MCF2: variants seen among roughly 807,000 people sequenced by gnomAD.
MCF2 encodes the protein proto-oncogene DBL.
In MCF2, 44 loss-of-function variants were observed where a neutral mutation model predicts 82.5. The ratio of observed to expected loss-of-function variants is 0.53; its 90% CI spans 0.42 to 0.69. The LOEUF (loss-of-function observed/expected upper bound fraction) is 0.69, where lower values mean the gene tolerates loss of function less well. MCF2 is among the 30% of genes least tolerant of loss of function. The pLI is 0.00. For missense variants in MCF2, 623 were observed against 663.1 expected (o/e 0.94, Z 0.66); for synonymous variants, 217 against 224.9 (o/e 0.96, Z 0.32).
At chrX:139,603,332 T>C (rs1391803295) in intron 15 of MCF2, among the ~76,000 whole-genome samples, 2 of 112,195 alleles carry the variant, frequency 1.8e-5, no homozygotes, top group Non-Finnish European at 3.8e-5. Flanking sequence ...GATACAACAA[T>C]ATATAGGATA....
At chrX:139,591,908 G>T (rs746185193) in intron 19 of MCF2, among the ~76,000 whole-genome samples, 2 of 109,849 alleles carry the variant, frequency 1.8e-5, no homozygotes, top group East Asian at 5.7e-4. Flanking sequence ...AAAAAAAAAA[G>T]TGAGAGAGAA....
chrX:139,674,780 T>C (rs1376144344), intron 1 of MCF2, among the ~76,000 whole-genome samples: 2 of 111,835 alleles, frequency 1.8e-5, no homozygotes, highest in Non-Finnish European at 3.8e-5. Context: ...TCAACCTTGG[T>C]GAATCTGACA....
chrX:139,624,499 A>T (rs2148478585), intron 6 of MCF2, among the ~76,000 whole-genome samples: 1 of 106,467 alleles, frequency 9.4e-6, no homozygotes, highest in South Asian at 4.3e-4. Flanking sequence ...TGATTGTGTC[A>T]CTGTACTCCA....
At chrX:139,639,649 C>T (rs1030164662) in intron 1 of MCF2, among the ~76,000 whole-genome samples, 1 of 111,504 alleles carries the variant, frequency 9.0e-6, no homozygotes, top group African/African-American at 3.3e-5. Context: ...CAAGAGCAGG[C>T]GTAAACCAAA....
intron 1 of MCF2, among the ~76,000 whole-genome samples, chrX:139,634,032 G>C (rs1933060240): frequency 9.0e-6 from 1 of 111,116 alleles, no homozygotes; most frequent in South Asian, 3.8e-4. Context: ...TTTAAGAAGG[G>C]AAACAAGATT....
At position 139,616,281 on chromosome X, in the gene MCF2, C is replaced by T. The variant is rs1931882735; in HGVS notation, c.1191+1G>A. 2 of 1,064,080 alleles carry T rather than the reference C, an allele frequency of 1.9e-6. No homozygotes were observed. Among genetic ancestry groups the T allele is most frequent in the Non-Finnish European group, 2.5e-6 (2 of 803,638 alleles). The allele number at this position is 1,064,080 out of a possible 1,213,427, so 87.7% of individuals were successfully genotyped here. On this transcript the variant is annotated splice_donor_variant, in intron 9 of 24. Coordinates refer to ENST00000370576, the Ensembl canonical transcript of MCF2. LOFTEE classifies it high-confidence loss of function. ...TTATTTGAAAATAAAAAAGCCTCTA[C>T]CTTAAGCTCAGGAGATAATATTACA...
intron 1 of MCF2, chrX:139,692,274 C>T: frequency 2.6e-6 from 1 of 379,380 alleles, no homozygotes; most frequent in South Asian, 3.5e-5. Context: ...CAGGCACTGC[C>T]GGAGGGGTAC....
rs780385692 is a variant in MCF2 at position 139,623,273 on chromosome X, C to A, written c.687+2920G>T. On this transcript the variant is annotated intron_variant, in intron 6 of 24. Transcript: ENST00000370576. ...AAATCATTCTATCAAAAAGGCAATG[C>A]AATTGTATGTTCACTGCAGCACTAT... Among the ~76,000 whole-genome samples, 4 of 111,803 alleles carry A rather than the reference C, an allele frequency of 3.6e-5. No homozygotes were observed. The South Asian group carries it at 1.5e-3, about 42-fold the overall frequency.
At chrX:139,664,115 C>T (rs949612593) in intron 1 of MCF2, among the ~76,000 whole-genome samples, 5 of 110,363 alleles carry the variant, frequency 4.5e-5, no homozygotes, top group Admixed American at 3.9e-4. Context: ...AGCAATTCTC[C>T]GGCCTTAGCC....
At chrX:139,634,994 G>A (rs1021662071) in intron 1 of MCF2, among the ~76,000 whole-genome samples, 6 of 111,603 alleles carry the variant, frequency 5.4e-5, no homozygotes, top group Non-Finnish European at 1.1e-4. Flanking sequence ...TACTCAGGAG[G>A]CTGAGGCGGG....
rs1932264304 is a variant in MCF2 at position 139,620,418 on chromosome X, T to C, written c.688-712A>G. 2.7e-5 allele frequency among the ~76,000 whole-genome samples: 3 copies of C among 111,189 alleles called. No homozygotes were observed. In the South Asian group the frequency reaches 1.1e-3, roughly 42 times the overall value. On this transcript the variant is annotated intron_variant, in intron 6 of 24. Transcript: ENST00000370576. ...AAAAAACTAGGAATCAGAAAAGAAG[T>C]CAAATCATCTTTCTTTGCTGACAAC...
Position 139,631,659 on chromosome X carries a change from T to C in MCF2, c.172-148A>G, listed in dbSNP as rs1932932653. On this transcript the variant is annotated intron_variant, in intron 2 of 24. Coordinates refer to ENST00000370576, the Ensembl canonical transcript of MCF2. The stretch of plus-strand genomic sequence containing the variant: ...TCTCTCCTGTACATGCCCCCATACA[T>C]GTATGCGCTACCTTCTTCAGATAAT... The C allele has an allele frequency of 1.3e-5, 5 of 371,984 alleles. No homozygotes were observed. The South Asian group carries it at 3.2e-4, about 24-fold the overall frequency. 30.7% of individuals were successfully genotyped at this position (371,984 alleles called of 1,213,427 possible). A position where few individuals can be genotyped will look rare whatever the true frequency, so the allele number is the denominator to read the frequency against.
intron 1 of MCF2, among the ~76,000 whole-genome samples, chrX:139,663,721 T>A (rs1418175500): frequency 1.8e-5 from 2 of 110,560 alleles, no homozygotes; most frequent in South Asian, 3.9e-4. Flanking sequence ...GTTTCTTTGT[T>A]GATTTTCTGG....
chrX:139,645,537 A>T (rs1933773098), upstream of MCF2: 1 of 924,394 alleles, frequency 1.1e-6, no homozygotes, highest in Non-Finnish European at 1.5e-6. Context: ...AACAAAAATA[A>T]AAAGTTACTG....
At chrX:139,600,869 G>GA (rs1930499302) in intron 16 of MCF2, among the ~76,000 whole-genome samples, 1 of 110,841 alleles carries the variant, frequency 9.0e-6, no homozygotes, top group Non-Finnish European at 1.9e-5. Flanking sequence ...AGAAATAGAA[G>GA]AAAAAAAGCA....
intron 19 of MCF2, among the ~76,000 whole-genome samples, chrX:139,595,843 T>C (rs1420063997): frequency 8.9e-6 from 1 of 111,734 alleles, no homozygotes; most frequent in African/African-American, 3.2e-5. Context: ...AATTGGAAGT[T>C]CTTCTTCTCT....
intron 2 of MCF2, among the ~76,000 whole-genome samples, chrX:139,648,926 G>A (rs935372419): frequency 1.1e-4 from 12 of 111,792 alleles, no homozygotes; most frequent in African/African-American, 3.3e-4. Flanking sequence ...GTGGCAAGAG[G>A]AAATAGACAA....
chrX:139,646,412 C>G (rs1018970064), upstream of MCF2, among the ~76,000 whole-genome samples: 1 of 111,991 alleles, frequency 8.9e-6, no homozygotes, highest in Admixed American at 9.5e-5. Context: ...ATTGAATCTA[C>G]TTAAGATTCA....
rs188582096 is a variant in MCF2, at chrX:139,654,463, C to T, written c.-44-2675G>A. On this transcript the variant is annotated intron_variant, in intron 1 of 27. Coordinates refer to the MCF2 transcript ENST00000414978. Reference sequence around the variant, plus strand: ...TCTTTTGAGAAATGTCTATTCAGATCTTTTGCCCATTTTATAAATTGAATT... The same window carrying T: ...TCTTTTGAGAAATGTCTATTCAGATTTTTTGCCCATTTTATAAATTGAATT... Among the ~76,000 whole-genome samples the T allele has an allele frequency of 8.2e-3, 917 of 111,914 alleles. 9 individuals carry two copies. Among genetic ancestry groups the T allele is most frequent in the African/African-American group, 0.028 (872 of 30,779 alleles).
Sources: allele counts gnomAD v4.1 joint callset (sites outside exome capture counted in the v4.1 genomes callset), GRCh38; gene constraint gnomAD v4.1.1; transcripts MANE v1.5; gene names NCBI Gene and HGNC (gene_info 2026-07-23, HGNC 2026-07-21).